Variants in PPP1R9A observed in about 807,000 individuals in gnomAD.
The protein encoded by PPP1R9A is protein phosphatase 1 regulatory subunit 9A, also known as neurabin-1.
PPP1R9A carries 59 observed loss-of-function variants against 141.9 expected under a neutral mutation model. The ratio of observed to expected loss-of-function variants is 0.42; its 90% CI spans 0.34 to 0.52. The LOEUF (loss-of-function observed/expected upper bound fraction) is 0.52, where lower values mean the gene tolerates loss of function less well. PPP1R9A is among the 20% of genes least tolerant of loss of function. The probability of loss-of-function intolerance (pLI) is 0.10; values close to 1 mark genes in which losing one functional copy is unlikely to be tolerated. For synonymous variants in PPP1R9A, 500 were observed against 569.7 expected, an observed-to-expected ratio of 0.88 and a Z score of 1.74; for missense variants, 1,444 against 1,611.9, an observed-to-expected ratio of 0.90 and a Z score of 1.78.
intron 2 of PPP1R9A, among the ~76,000 whole-genome samples, chr7:95,037,611 C>G (rs1808611137): frequency 6.6e-6 from 1 of 152,178 alleles, no homozygotes; most frequent in Non-Finnish European, 1.5e-5. Context: ...TGCTCTCTAT[C>G]ATTAGCACCT....
chr7:95,252,670 G>C (rs576932389), intron 12 of PPP1R9A, among the ~76,000 whole-genome samples: 2 of 152,134 alleles, frequency 1.3e-5, no homozygotes, highest in South Asian at 2.1e-4. Flanking sequence ...CTTTTGCCTT[G>C]TTGGCCAGGC....
At chr7:95,027,213 ATAGGC>A (rs1393339509) in intron 2 of PPP1R9A, among the ~76,000 whole-genome samples, 1 of 152,160 alleles carries the variant, frequency 6.6e-6, no homozygotes, top group African/African-American at 2.4e-5. Flanking sequence ...CCCTGGTGGC[ATAGGC>A]ACTGGAGGGA....
upstream of PPP1R9A, chr7:94,907,353 T>C (rs1412475050): frequency 6.6e-6 from 1 of 152,296 alleles, no homozygotes; most frequent in African/African-American, 2.4e-5. Flanking sequence ...GTGGCTTAGG[T>C]GAAGGCCACA....
chr7:95,151,652 G>T (rs1416313179), intron 4 of PPP1R9A, among the ~76,000 whole-genome samples: 3 of 144,890 alleles, frequency 2.1e-5, no homozygotes, highest in Non-Finnish European at 3.0e-5. Flanking sequence ...GTCTTTAAAG[G>T]TTTTTTTTTT....
intron 2 of PPP1R9A, among the ~76,000 whole-genome samples, chr7:94,964,766 G>C (rs566492258): frequency 3.9e-5 from 6 of 152,286 alleles, no homozygotes; most frequent in African/African-American, 1.4e-4. Context: ...CCAAGTCTTT[G>C]CTATTGTGAA....
chr7:94,940,313 C>T (rs925865777), intron 2 of PPP1R9A, among the ~76,000 whole-genome samples: 4 of 151,898 alleles, frequency 2.6e-5, no homozygotes, highest in Non-Finnish European at 5.9e-5. Flanking sequence ...TTCCATTTAG[C>T]AGGATCAAGT....
chr7:95,123,627 G>C (rs1823026506), intron 4 of PPP1R9A, among the ~76,000 whole-genome samples: 2 of 152,068 alleles, frequency 1.3e-5, no homozygotes, highest in South Asian at 4.2e-4. Context: ...CCAGCCTGGG[G>C]GACAGAATGA....
At chr7:94,936,948 A>T (rs181565034) in intron 2 of PPP1R9A, among the ~76,000 whole-genome samples, 251 of 151,858 alleles carry the variant, frequency 1.7e-3, no homozygotes, top group African/African-American at 5.7e-3. Context: ...AATAGGAGGA[A>T]TTTTTTTTGT....
chr7:95,049,084 A>C (rs1391103088), intron 2 of PPP1R9A, among the ~76,000 whole-genome samples: 1 of 152,212 alleles, frequency 6.6e-6, no homozygotes, highest in Non-Finnish European at 1.5e-5. Flanking sequence ...ACCCTGGGCT[A>C]TCATGCTTCT....
intron 2 of PPP1R9A, among the ~76,000 whole-genome samples, chr7:94,916,487 T>G (rs530217374): frequency 6.6e-6 from 1 of 152,160 alleles, no homozygotes; most frequent in Non-Finnish European, 1.5e-5. Context: ...GGCTGCTATA[T>G]CTGGTTGGGT....
Position 95,111,283 on chromosome 7 carries a change from G to A in PPP1R9A, c.1420G>A (p.Asp474Asn), listed in dbSNP as rs1281119394. ...GGTTTTCAACACATACTCCAATGAA[G>A]ACTATGACAGGAGAAATGACGAAGT... ...IKVFNTYSNE[D>N]YDRRNDEVDP... The change falls in exon 3 of 20, where the codon GAC (aspartate) becomes AAC (asparagine). Residue 474 changes from aspartate (D) to asparagine (N), a missense_variant. This residue lies in a region of PPP1R9A where 488 missense variants were observed against 542.0 expected (regional missense o/e 0.90). Transcript: ENST00000433360. 6.2e-7 allele frequency: 1 copy of A among 1,611,354 alleles called. No homozygotes were observed. The highest frequency in any genetic ancestry group is 1.3e-5 in the African/African-American group (1 of 74,432).
At chr7:95,242,534 C>T (rs1797596352) in intron 8 of PPP1R9A, among the ~76,000 whole-genome samples, 1 of 152,022 alleles carries the variant, frequency 6.6e-6, no homozygotes, top group African/African-American at 2.4e-5. Context: ...ATTTCTAGCA[C>T]AGTTATATTT....
At chr7:95,059,394 G>A (rs1200164450) in intron 2 of PPP1R9A, among the ~76,000 whole-genome samples, 1 of 151,872 alleles carries the variant, frequency 6.6e-6, no homozygotes, top group African/African-American at 2.4e-5. Flanking sequence ...TAGCTTTTTA[G>A]TCCTGTGAAA....
chr7:94,964,231 T>C (rs1214621732), intron 2 of PPP1R9A, among the ~76,000 whole-genome samples: 1 of 152,166 alleles, frequency 6.6e-6, no homozygotes, highest in Non-Finnish European at 1.5e-5. Context: ...TTGGCTGTTA[T>C]TAATAATGCT....
intron 5 of PPP1R9A, among the ~76,000 whole-genome samples, chr7:95,166,050 G>A (rs2152730470): frequency 6.6e-6 from 1 of 151,428 alleles, no homozygotes; most frequent in East Asian, 2.0e-4. Flanking sequence ...TTGGGAGGCT[G>A]AGGCAGGAGA....
rs1806146644 is a variant in PPP1R9A, at chr7:95,290,170, C to T, written c.3992C>T (p.Ala1331Val). ...GAAATGAAGATGTCTCTAGAGAAGG[C>T]TCGGAAGGCCCAAGAGAAAATGGAA... ...LKEMKMSLEK[A>V]RKAQEKMEKQ... is the part of the protein sequence containing the mutation. Residue 1331 changes from alanine to valine, a missense_variant, in exon 20 of 20, where the codon GCT (alanine) becomes GTT (valine). This residue lies in a region of PPP1R9A where 459 missense variants were observed against 513.8 expected (regional missense o/e 0.89). Transcript: ENST00000433360. The T allele has an allele frequency of 1.2e-6, 2 of 1,613,970 alleles. No homozygotes were observed. Among genetic ancestry groups the T allele is most frequent in the Non-Finnish European group, 1.7e-6 (2 of 1,180,000 alleles).
intron 2 of PPP1R9A, among the ~76,000 whole-genome samples, chr7:94,972,978 G>T (rs957616834): frequency 7.2e-5 from 11 of 152,164 alleles, no homozygotes; most frequent in African/African-American, 2.7e-4. Context: ...GGAATGAATA[G>T]ATTCTTAATG....
intron 12 of PPP1R9A, among the ~76,000 whole-genome samples, chr7:95,262,309 T>A (rs1295314940): frequency 2.0e-5 from 3 of 152,202 alleles, no homozygotes; most frequent in Non-Finnish European, 4.4e-5. Flanking sequence ...GTCATTTGAT[T>A]ACATTTTTGT....
intron 16 of PPP1R9A, among the ~76,000 whole-genome samples, chr7:95,278,274 G>A (rs1486587992): frequency 1.3e-5 from 2 of 152,104 alleles, no homozygotes; most frequent in African/African-American, 4.8e-5. Flanking sequence ...AGTCTATATT[G>A]GGATATGTGT....
Sources: gnomAD v4.1 joint callset for allele counts (sites outside exome capture counted in the v4.1 genomes callset) on GRCh38, gnomAD v4.1.1 for gene constraint, gnomAD v4.1.1 regional missense constraint, MANE v1.5 for transcripts, NCBI Gene and HGNC (gene_info 2026-07-23, HGNC 2026-07-21) for gene names.